Variants in SLC9C2 observed in about 807,000 individuals in gnomAD.
The protein encoded by SLC9C2 is solute carrier family 9 member C2 (putative), also known as sodium/hydrogen exchanger 11.
A neutral mutation model predicts 140.2 loss-of-function variants in SLC9C2; 75 were observed. The ratio of observed to expected loss-of-function variants is 0.53; its 90% CI spans 0.44 to 0.65. SLC9C2 has a LOEUF of 0.65. Ranked by LOEUF, SLC9C2 falls within the 30% of genes least tolerant of loss-of-function variation. SLC9C2 has a pLI of 0.00. For synonymous variants in SLC9C2, 375 were observed against 420.9 expected, an observed-to-expected ratio of 0.89 and a Z score of 1.34; for missense variants, 1,074 against 1,331.8, an observed-to-expected ratio of 0.81 and a Z score of 3.01.
chr1:173,564,966 T>TC (rs1264605937), intron 9 of SLC9C2, among the ~76,000 whole-genome samples: 1 of 135,750 alleles, frequency 7.4e-6, no homozygotes, highest in African/African-American at 2.7e-5. Flanking sequence ...TTTTTTCTTT[T>TC]TCTTTTTTTT....
intron 9 of SLC9C2, among the ~76,000 whole-genome samples, chr1:173,558,937 G>T (rs1663905420): frequency 6.6e-6 from 1 of 152,124 alleles, no homozygotes; most frequent in South Asian, 2.1e-4. Flanking sequence ...CCTTGGAAAA[G>T]GTCCTTTGCT....
intron 20 of SLC9C2, 44 bp from the exon 21 acceptor site, chr1:173,524,138 A>G (rs903083517): frequency 6.5e-7 from 1 of 1,540,076 alleles, no homozygotes; most frequent in African/African-American, 1.4e-5. Context: ...ATCCTGTAAC[A>G]GAAAATGGAC....
intron 1 of SLC9C2, among the ~76,000 whole-genome samples, chr1:173,602,267 T>C (rs1666832424): frequency 6.6e-6 from 1 of 152,150 alleles, no homozygotes; most frequent in Non-Finnish European, 1.5e-5. Flanking sequence ...GGAGCATGGA[T>C]AAATGTTATG....
At chr1:173,587,197 T>C (rs1471468265) in intron 5 of SLC9C2, among the ~76,000 whole-genome samples, 2 of 152,122 alleles carry the variant, frequency 1.3e-5, no homozygotes, top group African/African-American at 4.8e-5. Flanking sequence ...TTCTTGAAGA[T>C]AAACTATAAA....
chr1:173,577,946 G>A (rs1274764217), intron 7 of SLC9C2, among the ~76,000 whole-genome samples: 2 of 152,106 alleles, frequency 1.3e-5, no homozygotes, highest in African/African-American at 4.8e-5. Context: ...CGCAAACTGT[G>A]ATGACAGGGA....
chr1:173,523,813 A>T (rs766542304), intron 21 of SLC9C2, among the ~76,000 whole-genome samples, 156 bp downstream of exon 21: 7 of 152,214 alleles, frequency 4.6e-5, no homozygotes, highest in Non-Finnish European at 1.0e-4. Context: ...TCAAAAAGAG[A>T]TCTAGTCTTC....
intron 11 of SLC9C2, among the ~76,000 whole-genome samples, chr1:173,554,261 T>C (rs1663520665): frequency 6.6e-6 from 1 of 152,158 alleles, no homozygotes; most frequent in Non-Finnish European, 1.5e-5. Context: ...GCCAATGGAA[T>C]GTGAGTGATA....
At chr1:173,529,831 A>G (rs1327597105) in intron 18 of SLC9C2, 74 bp downstream of exon 18, 6 of 1,504,862 alleles carry the variant, frequency 4.0e-6, no homozygotes, top group Non-Finnish European at 2.7e-6. Flanking sequence ...TCAAACACAC[A>G]TAGAACTAGT....
chr1:173,508,967 G>A (rs1659843500), intron 24 of SLC9C2, among the ~76,000 whole-genome samples: 2 of 149,766 alleles, frequency 1.3e-5, no homozygotes, highest in Admixed American at 1.3e-4. Context: ...AACACATTCT[G>A]ATTAACACTA....
At chr1:173,579,621 C>G (rs960725312) in intron 7 of SLC9C2, among the ~76,000 whole-genome samples, 2 of 152,228 alleles carry the variant, frequency 1.3e-5, no homozygotes, top group African/African-American at 4.8e-5. Context: ...TACTCCTTCA[C>G]AGAAATCAGC....
chr1:173,555,092 A>C (rs901549345), intron 10 of SLC9C2, among the ~76,000 whole-genome samples: 7 of 152,162 alleles, frequency 4.6e-5, no homozygotes, highest in Non-Finnish European at 1.0e-4. Context: ...CACAGTTGCC[A>C]CTCCTGGCAG....
chr1:173,552,485 T>C lies in SLC9C2; in HGVS notation c.1297+2248A>G, dbSNP rs116635413. 9.4e-3 allele frequency among the ~76,000 whole-genome samples: 1,434 copies of C among 152,330 alleles called. 27 individuals carry two copies. The highest frequency in any genetic ancestry group is 0.033 in the African/African-American group (1,377 of 41,578). ...GCTTCAAAGGACAGACTAACTCTTG[T>C]TAGGGGCTAATGCAGCTTGTGACTT... is the stretch of plus-strand genomic sequence containing the variant. On this transcript the variant is annotated intron_variant, in intron 11 of 27. Coordinates refer to ENST00000367714, the MANE Select transcript of SLC9C2 (RefSeq NM_178527.4).
At chr1:173,540,952 G>A (rs191403618) in intron 13 of SLC9C2, among the ~76,000 whole-genome samples, 9 of 152,180 alleles carry the variant, frequency 5.9e-5, no homozygotes, top group African/African-American at 2.2e-4. Context: ...ATCAACTAAA[G>A]GGCAAATTAA....
At position 173,533,904 on chromosome 1, in the gene SLC9C2, C is replaced by T. The variant is rs16846153; in HGVS notation, c.1975-107G>A. On this transcript the variant is annotated intron_variant, in intron 16 of 27. Coordinates refer to ENST00000367714, the MANE Select transcript of SLC9C2 (RefSeq NM_178527.4). ...TCTTAACTACAAATGAGTTATATTC[C>T]GAAAGTTGAGCTTTAAGTTATTCAT... is the stretch of plus-strand genomic sequence containing the variant. 6.2e-3 allele frequency: 7,530 copies of T among 1,212,282 alleles called. 425 individuals are homozygous for T. The African/African-American group carries it at 0.11, about 18-fold the overall frequency. The allele number at this position is 1,212,282 out of a possible 1,614,324, so 75.1% of individuals were successfully genotyped here.
chr1:173,536,077 C>A, intron 14 of SLC9C2, 128 bp from the exon 15 acceptor site: 1 of 732,658 alleles, frequency 1.4e-6, no homozygotes. Flanking sequence ...CAGTCTCATG[C>A]CTCTGCATCC....
chr1:173,558,702 T>C (rs977832402), intron 9 of SLC9C2, among the ~76,000 whole-genome samples: 3 of 152,260 alleles, frequency 2.0e-5, no homozygotes, highest in African/African-American at 7.2e-5. Context: ...ATATGATACA[T>C]ATGTATCCAT....
At chr1:173,501,919 GCTATTA>G in intron 27 of SLC9C2, among the ~76,000 whole-genome samples, 1 of 152,068 alleles carries the variant, frequency 6.6e-6, no homozygotes, top group Non-Finnish European at 1.5e-5. Flanking sequence ...GACCAACATT[GCTATTA>G]GAAGAGTCTT....
intron 23 of SLC9C2, among the ~76,000 whole-genome samples, chr1:173,511,646 A>G (rs1437985222): frequency 1.3e-5 from 2 of 152,072 alleles, no homozygotes; most frequent in African/African-American, 4.8e-5. Context: ...GCTGTGCAGA[A>G]GCTCTTTAAT....
chr1:173,595,539 C>A (rs1466297501), intron 4 of SLC9C2, among the ~76,000 whole-genome samples: 1 of 151,960 alleles, frequency 6.6e-6, no homozygotes, highest in Non-Finnish European at 1.5e-5. Context: ...TATTGCCATA[C>A]CAAACGAAAA....
Sources: gnomAD v4.1 joint callset for allele counts (sites outside exome capture counted in the v4.1 genomes callset) on GRCh38, gnomAD v4.1.1 for gene constraint, MANE v1.5 for transcripts, NCBI Gene and HGNC (gene_info 2026-07-23, HGNC 2026-07-21) for gene names.